SLC7A14: variants seen among roughly 807,000 people sequenced by gnomAD.
SLC7A14 encodes the protein gamma-aminobutyric acid transporter SLC7A14.
Under a neutral mutation model 60.2 loss-of-function variants are expected in SLC7A14, and 37 were observed. That is an observed-to-expected ratio of 0.61 (90% CI 0.47 to 0.81). The LOEUF is 0.81. Among genes scored for constraint, SLC7A14 ranks in the 30% least tolerant of loss-of-function variants. SLC7A14 has a pLI of 0.00. For missense variants in SLC7A14, 886 were observed against 982.7 expected, an observed-to-expected ratio of 0.90 and a Z score of 1.32; for synonymous variants, 399 against 395.8, an observed-to-expected ratio of 1.01 and a Z score of -0.10.
At chr3:170,470,230 CAGACTA>C (rs1266224239) in intron 7 of SLC7A14, among the ~76,000 whole-genome samples, 2 of 151,814 alleles carry the variant, frequency 1.3e-5, no homozygotes, top group African/African-American at 4.8e-5. Flanking sequence ...GGCTGGTTTA[CAGACTA>C]TGCCCACTGC....
Position 170,460,415 on chromosome 3 carries a change from A to G in SLC7A14, c.*6640T>C, listed in dbSNP as rs1481934448. 6.6e-6 allele frequency: 1 copy of G among 152,218 alleles called. No homozygotes were observed. 9.4% of individuals were successfully genotyped at this position (152,218 alleles called of 1,614,324 possible). ...CTCTCTCAGCCCAGACAGTTGAGGTATTTATGCACCATCATAACATTAACA... is the reference window on the plus strand; with the variant it reads ...CTCTCTCAGCCCAGACAGTTGAGGTGTTTATGCACCATCATAACATTAACA... On this transcript the variant is annotated 3_prime_UTR_variant, in exon 8 of 8. Coordinates refer to ENST00000231706, the MANE Select transcript of SLC7A14 (RefSeq NM_020949.3).
chr3:170,496,452 C>T lies in SLC7A14; in HGVS notation c.759+2215G>A, dbSNP rs1712397543. 1.5e-5 allele frequency: 19 copies of T among 1,266,264 alleles called. No individual in the cohort carries two copies. The South Asian group carries it at 2.0e-4, about 13-fold the overall frequency. 78.4% of individuals were successfully genotyped at this position (1,266,264 alleles called of 1,614,324 possible). On this transcript the variant is annotated intron_variant, in intron 4 of 7. Coordinates refer to ENST00000231706, the MANE Select transcript of SLC7A14 (RefSeq NM_020949.3). ...GGCCCCCATCGCAGATACCGAGCAG[C>T]GTGGGGAGCTGGCCGTTAAGGATGC...
intron 1 of SLC7A14, among the ~76,000 whole-genome samples, chr3:170,550,351 T>A (rs1354444205): frequency 6.6e-6 from 1 of 152,110 alleles, no homozygotes; most frequent in Non-Finnish European, 1.5e-5. Context: ...TAAACTTGCA[T>A]CTATGCATAG....
intron 2 of SLC7A14, among the ~76,000 whole-genome samples, chr3:170,519,758 G>A (rs1291517557): frequency 4.6e-5 from 7 of 152,100 alleles, no homozygotes; most frequent in African/African-American, 7.2e-5. Flanking sequence ...CCTGGGCAGC[G>A]GAGCAAGACT....
chr3:170,480,356 C>A lies in SLC7A14; in HGVS notation c.1926G>T (p.Val642=). Residue 642 remains valine, a synonymous_variant, in exon 7 of 8, where the codon GTG becomes GTT. Coordinates refer to ENST00000231706, the MANE Select transcript of SLC7A14 (RefSeq NM_020949.3). ...LPFVPAFAML[V]NIYLMLKLST... The stretch of plus-strand genomic sequence containing the variant: ...AGAGCTTTAGCATGAGATAGATGTT[C>A]ACCAGCATGGCAAAGGCAGGCACAA... 6.3e-7 allele frequency: 1 copy of A among 1,599,106 alleles called. No homozygotes were observed. Among genetic ancestry groups the A allele is most frequent in the South Asian group, 1.1e-5 (1 of 88,234 alleles).
intron 1 of SLC7A14, among the ~76,000 whole-genome samples, chr3:170,577,782 T>G (rs1486243972): frequency 6.6e-6 from 1 of 152,214 alleles, no homozygotes; most frequent in East Asian, 1.9e-4. Context: ...TGTCAGAGCA[T>G]TCTCAGCTGG....
rs745762648 is a variant in SLC7A14, at chr3:170,480,796, T to A, written c.1486A>T (p.Ile496Leu). ...TAGGTTGACTTGTCTGATTTCCCTA[T>A]GAGCATCTCATTGTCTCCCAAGGAT... ...LPSLGDNEML[I>L]GKSDKSTYNV... Residue 496 changes from isoleucine to leucine, a missense_variant, in exon 7 of 8, where the codon ATA becomes TTA. Ile to Leu is a conservative substitution (Grantham distance 5, BLOSUM62 2). Coordinates refer to ENST00000231706, the MANE Select transcript of SLC7A14 (RefSeq NM_020949.3). The A allele has an allele frequency of 6.2e-7, 1 of 1,614,090 alleles. No homozygotes were observed. Among genetic ancestry groups the A allele is most frequent in the African/African-American group, 1.3e-5 (1 of 74,928 alleles).
intron 1 of SLC7A14, among the ~76,000 whole-genome samples, chr3:170,538,733 G>A (rs1047876263): frequency 6.6e-6 from 1 of 152,206 alleles, no homozygotes; most frequent in Non-Finnish European, 1.5e-5. Context: ...GATAGCCCCT[G>A]CCCTCCAGGA....
At chr3:170,543,896 T>C (rs1294364825) in intron 1 of SLC7A14, among the ~76,000 whole-genome samples, 2 of 151,366 alleles carry the variant, frequency 1.3e-5, no homozygotes, top group African/African-American at 4.8e-5. Context: ...ACTACAGGCA[T>C]GTGCCACCAT....
chr3:170,509,938 C>T (rs143451841), intron 2 of SLC7A14, among the ~76,000 whole-genome samples: 1,741 of 151,740 alleles, frequency 0.011, 14 homozygotes, highest in Non-Finnish European at 0.019. Context: ...ATTAGCTGGG[C>T]GTGGTGATGC....
At chr3:170,492,627 G>A (rs770776913) in intron 4 of SLC7A14, among the ~76,000 whole-genome samples, 4 of 152,312 alleles carry the variant, frequency 2.6e-5, no homozygotes, top group Non-Finnish European at 4.4e-5. Flanking sequence ...TGGCATTGTG[G>A]GAAAGCAGCA....
Position 170,467,205 on chromosome 3 carries a change from C to T in SLC7A14, c.2166G>A (p.Gly722=), listed in dbSNP as rs578099322. 2 of 1,614,248 alleles carry T rather than the reference C, an allele frequency of 1.2e-6. No individual in the cohort carries two copies. Among genetic ancestry groups the T allele is most frequent in the African/African-American group, 2.7e-5 (2 of 75,066 alleles). Residue 722 remains glycine, a synonymous_variant, in exon 8 of 8, where the codon GGG becomes GGA. Coordinates refer to ENST00000231706, the MANE Select transcript of SLC7A14 (RefSeq NM_020949.3). ...TEGESQEDWG[G]PTEDKGFYYQ... ...AATAGAAGCCTTTGTCTTCAGTGGG[C>T]CCGCCCCAGTCCTCCTGGCTCTCGC...
intron 1 of SLC7A14, among the ~76,000 whole-genome samples, chr3:170,537,191 C>T (rs556461769): frequency 4.6e-5 from 7 of 152,260 alleles, no homozygotes; most frequent in Admixed American, 2.6e-4. Flanking sequence ...GTGTACCTTC[C>T]GGAAGTTCCA....
rs114817166 is a variant in SLC7A14 at position 170,486,049 on chromosome 3, T to C, written c.906+173A>G. ...AGTGAAGTCCTGGGGCTTCTCCTCT[T>C]CTTCAGTTTGGAGTCCTAATTTTTT... On this transcript the variant is annotated intron_variant, in intron 5 of 7. Transcript: ENST00000231706. Among the ~76,000 whole-genome samples, 650 of 152,252 alleles carry C rather than the reference T, an allele frequency of 4.3e-3. 6 individuals are homozygous for C. The highest frequency in any genetic ancestry group is 0.015 in the African/African-American group (624 of 41,550).
intron 1 of SLC7A14, among the ~76,000 whole-genome samples, chr3:170,538,317 C>G (rs1274860989): frequency 6.6e-6 from 1 of 152,204 alleles, no homozygotes; most frequent in Non-Finnish European, 1.5e-5. Flanking sequence ...TCTTTACCCA[C>G]AGCCAGGCTT....
chr3:170,510,732 G>T (rs986363252), intron 2 of SLC7A14, among the ~76,000 whole-genome samples: 1 of 152,178 alleles, frequency 6.6e-6, no homozygotes, highest in Non-Finnish European at 1.5e-5. Flanking sequence ...CTTCTTCATT[G>T]TTGAAGCGGC....
intron 3 of SLC7A14, among the ~76,000 whole-genome samples, chr3:170,499,236 CAAAAAAAAAAAAAA>C (rs11336080): frequency 1.7e-5 from 1 of 59,930 alleles, no homozygotes; most frequent in Non-Finnish European, 2.7e-5. Flanking sequence ...GACTCTGTCT[CAAAAAAAAAAAAAA>C]AAAAAAAAAA....
At chr3:170,519,521 A>T (rs1479405935) in intron 2 of SLC7A14, among the ~76,000 whole-genome samples, 2 of 152,252 alleles carry the variant, frequency 1.3e-5, no homozygotes, top group African/African-American at 4.8e-5. Flanking sequence ...TCACGCCTGT[A>T]ATCCCAACAC....
chr3:170,570,165 C>G (rs545372736), intron 1 of SLC7A14: 1 of 152,120 alleles, frequency 6.6e-6, no homozygotes, highest in East Asian at 1.9e-4. Flanking sequence ...CTTAAAAGTC[C>G]AAATAGTAGG....
Sources: gnomAD v4.1 joint callset for allele counts (sites outside exome capture counted in the v4.1 genomes callset) on GRCh38, gnomAD v4.1.1 for gene constraint, MANE v1.5 for transcripts, NCBI Gene and HGNC (gene_info 2026-07-23, HGNC 2026-07-21) for gene names.